Variants in DAP3 observed in about 807,000 individuals in gnomAD.
DAP3 encodes small ribosomal subunit protein mS29.
DAP3 carries 28 observed loss-of-function variants against 51.9 expected under a neutral mutation model. The observed-to-expected ratio is 0.54, with a 90% confidence interval of 0.40 to 0.74. The LOEUF (loss-of-function observed/expected upper bound fraction) is 0.74, where lower values mean the gene tolerates loss of function less well. Among genes scored for constraint, DAP3 ranks in the 30% least tolerant of loss-of-function variants. The pLI, the probability that DAP3 is intolerant of heterozygous loss-of-function variation, is 0.00. For missense variants in DAP3, 458 were observed against 483.5 expected (o/e 0.95, Z 0.49); for synonymous variants, 170 against 170.3 (o/e 1.00, Z 0.01).
At chr1:155,718,632 G>C (rs1260699318) in intron 3 of DAP3, among the ~76,000 whole-genome samples, 2 of 151,534 alleles carry the variant, frequency 1.3e-5, no homozygotes, top group African/African-American at 4.9e-5. Context: ...CTTGCAGTGA[G>C]CTGAGATCGT....
At chr1:155,736,401 G>T (rs1004106465) in intron 11 of DAP3, among the ~76,000 whole-genome samples, 16 of 152,084 alleles carry the variant, frequency 1.1e-4, no homozygotes, top group African/African-American at 3.9e-4. Context: ...AGTAGCATCC[G>T]CCTCCTCAAG....
intron 2 of DAP3, among the ~76,000 whole-genome samples, chr1:155,714,735 A>G (rs998988849): frequency 6.6e-6 from 1 of 152,202 alleles, no homozygotes; most frequent in Non-Finnish European, 1.5e-5. Context: ...AGCCTGGGCG[A>G]CAAGAGTGAG....
intron 1 of DAP3, among the ~76,000 whole-genome samples, chr1:155,693,564 G>A (rs1553312623): frequency 1.4e-5 from 2 of 141,924 alleles, no homozygotes; most frequent in Non-Finnish European, 2.9e-5. Context: ...GTCCTGTCTT[G>A]TATCTATCAT....
At chr1:155,732,220 CAG>C (rs1659310526) in intron 11 of DAP3, 187 bp downstream of exon 11, 1 of 437,218 alleles carries the variant, frequency 2.3e-6, no homozygotes, top group Non-Finnish European at 3.9e-6. Flanking sequence ...CGTCTTTCTC[CAG>C]AGTTTCTTTT....
chr1:155,708,951 T>G (rs1366832789), intron 1 of DAP3: 1 of 152,248 alleles, frequency 6.6e-6, no homozygotes, highest in Non-Finnish European at 1.5e-5. Flanking sequence ...TCTGCCCGCC[T>G]CGGCCTCCCA....
intron 6 of DAP3, among the ~76,000 whole-genome samples, chr1:155,726,526 AGG>A: frequency 6.6e-6 from 1 of 151,918 alleles, no homozygotes; most frequent in East Asian, 1.9e-4. Flanking sequence ...TCCTGACTTC[AGG>A]TGATCCACCT....
intron 1 of DAP3, among the ~76,000 whole-genome samples, chr1:155,708,136 C>T (rs901309574): frequency 6.6e-5 from 10 of 152,268 alleles, no homozygotes; most frequent in African/African-American, 2.4e-4. Context: ...CAACCTCTGC[C>T]TCCCAGGTTC....
intron 2 of DAP3, among the ~76,000 whole-genome samples, chr1:155,713,077 GA>G (rs1338293210): frequency 6.6e-6 from 1 of 152,190 alleles, no homozygotes; most frequent in Non-Finnish European, 1.5e-5. Context: ...TTGCAAGCAA[GA>G]CTGAAGTCTG....
chr1:155,708,701 A>ATT (rs1179008308), intron 1 of DAP3, among the ~76,000 whole-genome samples: 20 of 125,884 alleles, frequency 1.6e-4, no homozygotes, highest in South Asian at 5.0e-4. Context: ...CTCCTGACTA[A>ATT]TTTTTTTTTT....
chr1:155,700,263 G>A (rs12038503), intron 1 of DAP3, among the ~76,000 whole-genome samples: 1 of 152,204 alleles, frequency 6.6e-6, no homozygotes, highest in Non-Finnish European at 1.5e-5. Flanking sequence ...TAAGTTGTAA[G>A]AGTTCTTTAT....
At chr1:155,721,005 C>A (rs956078409) in intron 3 of DAP3, among the ~76,000 whole-genome samples, 2 of 151,428 alleles carry the variant, frequency 1.3e-5, no homozygotes, top group East Asian at 3.9e-4. Flanking sequence ...CCATTGCACT[C>A]CAGCCTGGGT....
chr1:155,688,767 C>T (rs1391968847), upstream of DAP3: 2 of 1,529,430 alleles, frequency 1.3e-6, no homozygotes, highest in Non-Finnish European at 1.8e-6. Context: ...CCAGCACCCC[C>T]ACCCTACACT....
At position 155,731,941 on chromosome 1, in the gene DAP3, C is replaced by T; in HGVS notation, c.904-3C>T. Reference sequence around the variant, plus strand: ...CAGTTCAGCCTTTTCTCTTTTCTTTCAGCATGGAGGCGCCATTGTGTCGGC... The same window carrying T: ...CAGTTCAGCCTTTTCTCTTTTCTTTTAGCATGGAGGCGCCATTGTGTCGGC... On this transcript the variant is annotated splice_region_variant and splice_polypyrimidine_tract_variant and intron_variant, in intron 10 of 12. Transcript: ENST00000368336. The T allele has an allele frequency of 1.9e-6, 3 of 1,602,390 alleles. No individual in the cohort carries two copies. Among genetic ancestry groups the T allele is most frequent in the South Asian group, 1.1e-5 (1 of 88,310 alleles).
chr1:155,712,555 T>G (rs2149154199), intron 2 of DAP3, among the ~76,000 whole-genome samples: 1 of 132,944 alleles, frequency 7.5e-6, no homozygotes, highest in Admixed American at 9.4e-5. Context: ...GAGGTTGCAG[T>G]GAGCCAAGAT....
At chr1:155,720,324 CAAAAAAAAA>C (rs61252469) in intron 3 of DAP3, among the ~76,000 whole-genome samples, 18 of 32,810 alleles carry the variant, frequency 5.5e-4, no homozygotes, top group African/African-American at 1.3e-3. Context: ...GATCTTGTCT[CAAAAAAAAA>C]AAAAAAAAAA....
At chr1:155,718,777 T>TAC (rs1657651333) in intron 3 of DAP3, among the ~76,000 whole-genome samples, 1 of 151,486 alleles carries the variant, frequency 6.6e-6, no homozygotes, top group African/African-American at 2.4e-5. Flanking sequence ...TATATATATA[T>TAC]ACCATTCACC....
chr1:155,725,456 C>A lies in DAP3; in HGVS notation c.345C>A (p.Thr115=). ...AACTTCTGCATTACCTGAAAAACAC[C>A]AGTTTTGCTTATCCAGCTATACGAT... ...ALELLHYLKN[T]SFAYPAIRYL... The change falls in exon 5 of 13, where the codon ACC becomes ACA. Residue 115 remains threonine, a synonymous_variant. Coordinates refer to ENST00000368336, the MANE Select transcript of DAP3 (RefSeq NM_004632.4). The A allele has an allele frequency of 6.2e-7, 1 of 1,614,106 alleles. No homozygotes were observed. Among genetic ancestry groups the A allele is most frequent in the Non-Finnish European group, 8.5e-7 (1 of 1,180,028 alleles).
chr1:155,727,868 C>T (rs1468263157), intron 7 of DAP3, 130 bp downstream of exon 7: 6 of 1,160,690 alleles, frequency 5.2e-6, no homozygotes, highest in East Asian at 2.7e-5. Flanking sequence ...TTCTTTCATA[C>T]GTTTTGCTCA....
chr1:155,709,778 G>T lies in DAP3; in HGVS notation c.-2G>T. Reference sequence around the variant, plus strand: ...TTTTTTTTTTTTTGTAACAGTGCAAGGATGATGCTGAAAGGAATAACAAGG... The same window carrying T: ...TTTTTTTTTTTTTGTAACAGTGCAATGATGATGCTGAAAGGAATAACAAGG... On this transcript the variant is annotated 5_prime_UTR_variant, in exon 2 of 13. In the 5' UTR this introduces an upstream ATG that the reference lacks. Transcript: ENST00000368336. 1 of 1,611,758 alleles carries T rather than the reference G, an allele frequency of 6.2e-7. No individual in the cohort carries two copies.
Sources: gnomAD v4.1 joint callset for allele counts (sites outside exome capture counted in the v4.1 genomes callset) on GRCh38, gnomAD v4.1.1 for gene constraint, MANE v1.5 for transcripts, NCBI Gene and HGNC (gene_info 2026-07-23, HGNC 2026-07-21) for gene names.